The following MCC variants were observed in gnomAD, a reference collection of about 807,000 sequenced individuals.
MCC encodes the protein colorectal mutant cancer protein.
Under a neutral mutation model 116.2 loss-of-function variants are expected in MCC, and 90 were observed. That is an observed-to-expected ratio of 0.77 (90% CI 0.65 to 0.92). The LOEUF is 0.92. Ranked by LOEUF, MCC falls within the 40% of genes least tolerant of loss-of-function variation. MCC has a pLI of 0.00. For missense variants in MCC, 1,516 were observed against 1,312.2 expected (o/e 1.16, Z -2.40); for synonymous variants, 578 against 510.5 (o/e 1.13, Z -1.78).
intron 1 of MCC, among the ~76,000 whole-genome samples, chr5:113,479,718 T>C (rs996897095): frequency 6.6e-6 from 1 of 152,190 alleles, no homozygotes; most frequent in Admixed American, 6.5e-5. Context: ...GCTTTATGGC[T>C]GGTCTTAGGA....
chr5:113,278,754 T>C (rs1380619010), intron 3 of MCC, among the ~76,000 whole-genome samples: 2 of 152,070 alleles, frequency 1.3e-5, no homozygotes, highest in South Asian at 2.1e-4. Flanking sequence ...ACAGGGTATA[T>C]GGGGCTGGGT....
At chr5:113,064,271 A>G in intron 13 of MCC, 104 bp from the exon 14 acceptor site, 1 of 1,096,004 alleles carries the variant, frequency 9.1e-7, no homozygotes, top group East Asian at 2.5e-5. Context: ...CAGAGGTGGC[A>G]CTGTGGAAGG....
At chr5:113,041,022 T>TA (rs1362312293) in intron 17 of MCC, among the ~76,000 whole-genome samples, 2 of 152,214 alleles carry the variant, frequency 1.3e-5, no homozygotes, top group African/African-American at 4.8e-5. Flanking sequence ...CTGGCACAGT[T>TA]AAGTCATTAG....
intron 6 of MCC, among the ~76,000 whole-genome samples, chr5:113,115,147 G>C (rs1368253391): frequency 6.6e-6 from 1 of 152,152 alleles, no homozygotes; most frequent in African/African-American, 2.4e-5. Flanking sequence ...GCTCCTGCTG[G>C]TGCTCAAAAG....
chr5:113,270,250 A>G (rs1176463471), intron 3 of MCC, among the ~76,000 whole-genome samples: 2 of 152,214 alleles, frequency 1.3e-5, no homozygotes, highest in East Asian at 3.9e-4. Flanking sequence ...GTTCTAAGTC[A>G]GTAATGAATA....
intron 2 of MCC, among the ~76,000 whole-genome samples, chr5:113,378,146 G>A (rs997416767): frequency 1.3e-5 from 2 of 152,314 alleles, no homozygotes; most frequent in African/African-American, 4.8e-5. Context: ...TCAGGAGGCT[G>A]CTTATTGTTT....
At chr5:113,245,149 C>T (rs534806904) in intron 3 of MCC, among the ~76,000 whole-genome samples, 2 of 151,986 alleles carry the variant, frequency 1.3e-5, no homozygotes, top group African/African-American at 2.4e-5. Context: ...ATTAGCCGGG[C>T]GTGGTGGCAT....
intron 1 of MCC, among the ~76,000 whole-genome samples, chr5:113,450,501 C>T (rs748838583): frequency 2.2e-4 from 34 of 152,100 alleles, no homozygotes; most frequent in Admixed American, 9.8e-4. Flanking sequence ...GTGTGCGAAC[C>T]CCAGGAGATA....
At chr5:113,245,760 G>A (rs1414092344) in intron 3 of MCC, among the ~76,000 whole-genome samples, 1 of 152,090 alleles carries the variant, frequency 6.6e-6, no homozygotes, top group Non-Finnish European at 1.5e-5. Flanking sequence ...CCCCACAAAT[G>A]ATGGAAAATC....
intron 3 of MCC, chr5:113,294,191 T>C: frequency 9.6e-7 from 1 of 1,044,024 alleles, no homozygotes. Context: ...GAAAATCTAC[T>C]AATCTTCAAT....
At chr5:113,113,671 G>A (rs202011696) in intron 6 of MCC, among the ~76,000 whole-genome samples, 1,001 of 66,830 alleles carry the variant, frequency 0.015, 15 homozygotes, top group Non-Finnish European at 0.021. Flanking sequence ...AAAAAAAAAA[G>A]CTAACCTCAA....
At chr5:113,396,159 C>T (rs1356430273) in intron 1 of MCC, among the ~76,000 whole-genome samples, 1 of 152,052 alleles carries the variant, frequency 6.6e-6, no homozygotes, top group Admixed American at 6.6e-5. Context: ...AAGACCCCAT[C>T]TCCACAAAAA....
intron 1 of MCC, among the ~76,000 whole-genome samples, chr5:113,437,895 C>T (rs115088789): frequency 0.023 from 3,550 of 152,178 alleles, 151 homozygotes; most frequent in African/African-American, 0.081. Flanking sequence ...TGGTAAAGGG[C>T]TCCAGCTCCC....
chr5:113,046,710 A>AAAAAAAAAAAAACAAG, intron 16 of MCC, among the ~76,000 whole-genome samples: 1 of 102,410 alleles, frequency 9.8e-6, no homozygotes, highest in Non-Finnish European at 1.9e-5. Flanking sequence ...AAAAAAAAAA[A>AAAAAAAAAAAAACAAG]AGAGAGAGAT....
At chr5:113,264,957 G>A (rs977913965) in intron 3 of MCC, among the ~76,000 whole-genome samples, 8 of 152,042 alleles carry the variant, frequency 5.3e-5, no homozygotes, top group Non-Finnish European at 8.8e-5. Flanking sequence ...CAGGAGAATC[G>A]CTTAACTTGG....
At chr5:113,221,670 T>C (rs537554919) in intron 3 of MCC, among the ~76,000 whole-genome samples, 1 of 152,328 alleles carries the variant, frequency 6.6e-6, no homozygotes, top group East Asian at 1.9e-4. Context: ...ACCACCCAGG[T>C]GGATACACTG....
At chr5:113,086,237 G>A (rs943955058) in intron 8 of MCC, among the ~76,000 whole-genome samples, 1 of 152,222 alleles carries the variant, frequency 6.6e-6, no homozygotes, top group African/African-American at 2.4e-5. Context: ...AAAGCTGAAT[G>A]AAGACAGTGG....
In MCC at chr5:113,319,276, C is replaced by G. The variant is rs184190301; in HGVS notation, c.627+21243G>C. Among the ~76,000 whole-genome samples the G allele has an allele frequency of 1.1e-3, 164 of 152,318 alleles. 1 individual carries two copies. The highest frequency in any genetic ancestry group is 3.8e-3 in the African/African-American group (157 of 41,566). Reference sequence around the variant, plus strand: ...CTAAATACTGTTGCTTACCAAAGCTCTGATCCTGGGGCCGGCCTTTTCCTT... The same window carrying G: ...CTAAATACTGTTGCTTACCAAAGCTGTGATCCTGGGGCCGGCCTTTTCCTT... On this transcript the variant is annotated intron_variant, in intron 3 of 18. Transcript: ENST00000408903.
intron 3 of MCC, among the ~76,000 whole-genome samples, chr5:113,292,270 G>A (rs6594699): frequency 0.38 from 57,870 of 151,798 alleles, 14,148 homozygotes; most frequent in African/African-American, 0.69. Context: ...AATTAGTGCA[G>A]AAAGTAAAAA....
Sources: gnomAD v4.1 joint callset for allele counts (sites outside exome capture counted in the v4.1 genomes callset) on GRCh38, gnomAD v4.1.1 for gene constraint, MANE v1.5 for transcripts, NCBI Gene and HGNC (gene_info 2026-07-23, HGNC 2026-07-21) for gene names.